Variants in PAK2 observed in about 807,000 individuals in gnomAD.
PAK2 encodes p21 (RAC1) activated kinase 2.
A neutral mutation model predicts 65.9 loss-of-function variants in PAK2; 21 were observed. The observed-to-expected ratio is 0.32, with a 90% CI of 0.23 to 0.46. The LOEUF is 0.46. Ranked by LOEUF, PAK2 falls within the 20% of genes least tolerant of loss-of-function variation. The pLI is 1.00. For missense variants in PAK2, 324 were observed against 642.6 expected, an observed-to-expected ratio of 0.50 and a Z score of 5.36; for synonymous variants, 204 against 219.7, an observed-to-expected ratio of 0.93 and a Z score of 0.63.
At chr3:196,767,948 A>G (rs1342225841) in intron 1 of PAK2, among the ~76,000 whole-genome samples, 2 of 152,068 alleles carry the variant, frequency 1.3e-5, no homozygotes, top group Admixed American at 6.5e-5. Flanking sequence ...TGAGCACAGT[A>G]TTGCTAGTGA....
intron 1 of PAK2, among the ~76,000 whole-genome samples, chr3:196,752,688 T>G (rs898700476): frequency 6.6e-6 from 1 of 151,870 alleles, no homozygotes; most frequent in East Asian, 1.9e-4. Context: ...CAAGCACCTC[T>G]TCCCTGGTTC....
chr3:196,821,764 G>T (rs2108773950), intron 13 of PAK2, among the ~76,000 whole-genome samples: 1 of 146,618 alleles, frequency 6.8e-6, no homozygotes, highest in Middle Eastern at 3.8e-3. Context: ...TGGTACATCT[G>T]CTTTGGAAAA....
At chr3:196,786,289 A>C (rs1191611005) in intron 2 of PAK2, among the ~76,000 whole-genome samples, 1 of 151,358 alleles carries the variant, frequency 6.6e-6, no homozygotes, top group Non-Finnish European at 1.5e-5. Flanking sequence ...CAGCCTCCCG[A>C]GTAGCTGGGA....
chr3:196,760,658 T>G (rs1713929581), intron 1 of PAK2, among the ~76,000 whole-genome samples: 1 of 152,196 alleles, frequency 6.6e-6, no homozygotes, highest in South Asian at 2.1e-4. Flanking sequence ...TCTGTGAGTT[T>G]GAGCAGTTTG....
Position 196,806,642 on chromosome 3 carries a change from A to G in PAK2, c.532A>G (p.Thr178Ala), listed in dbSNP as rs1715594013. 1.2e-6 allele frequency: 2 copies of G among 1,613,226 alleles called. No individual in the cohort carries two copies. The highest frequency in any genetic ancestry group is 2.2e-5 in the South Asian group (2 of 91,066). Reference protein sequence around the residue: ...VTEEEDDDEETAPPVIAPRPD... With the variant: ...VTEEEDDDEEAAPPVIAPRPD... ...AGAGGAGGAGGATGATGATGAAGAG[A>G]CTGCTCCTCCCGTTATTGCCCCGCG... The change falls in exon 6 of 15, where the codon ACT becomes GCT. Residue 178 changes from threonine (T) to alanine (A), a missense_variant. Transcript: ENST00000327134.
chr3:196,742,010 A>G (rs976489559), intron 1 of PAK2, among the ~76,000 whole-genome samples: 1 of 152,086 alleles, frequency 6.6e-6, no homozygotes, highest in Non-Finnish European at 1.5e-5. Context: ...TTCAAAATTA[A>G]GTTTATAGTT....
intron 1 of PAK2, among the ~76,000 whole-genome samples, chr3:196,749,301 T>A (rs1429982289): frequency 6.6e-6 from 1 of 152,094 alleles, no homozygotes; most frequent in Non-Finnish European, 1.5e-5. Context: ...ATTCTGTGTT[T>A]CATTTTTTGA....
intron 1 of PAK2, among the ~76,000 whole-genome samples, chr3:196,763,276 G>C (rs1297973535): frequency 6.6e-6 from 1 of 152,122 alleles, no homozygotes; most frequent in Non-Finnish European, 1.5e-5. Context: ...AGAGTATGTG[G>C]GGTGGCTCCC....
rs201478542 is a variant in PAK2 at position 196,807,770 on chromosome 3, G to C, written c.577-12G>C. 1 of 1,520,540 alleles carries C rather than the reference G, an allele frequency of 6.6e-7. No individual in the cohort carries two copies. Among genetic ancestry groups the C allele is most frequent in the Admixed American group, 1.8e-5 (1 of 55,894 alleles). The allele number at this position is 1,520,540 out of a possible 1,614,324, so 94.2% of individuals were successfully genotyped here. On this transcript the variant is annotated splice_polypyrimidine_tract_variant and intron_variant, in intron 6 of 14. Coordinates refer to ENST00000327134, the MANE Select transcript of PAK2 (RefSeq NM_002577.4). Reference sequence around the variant, plus strand: ...ATTCCTCAAACCTTGGTAATGAACTGTGTCTCCACAGATTTACACACGGTC... The same window carrying C: ...ATTCCTCAAACCTTGGTAATGAACTCTGTCTCCACAGATTTACACACGGTC...
At chr3:196,768,192 C>T (rs955636587) in intron 1 of PAK2, among the ~76,000 whole-genome samples, 3 of 152,038 alleles carry the variant, frequency 2.0e-5, no homozygotes, top group Non-Finnish European at 2.9e-5. Flanking sequence ...TGCAAAACAT[C>T]GGATACCTGT....
chr3:196,756,372 C>G (rs1713769339), intron 1 of PAK2, among the ~76,000 whole-genome samples: 2 of 152,094 alleles, frequency 1.3e-5, no homozygotes, highest in South Asian at 4.1e-4. Context: ...TGCCTAATTA[C>G]TCTCATCTAA....
intron 10 of PAK2, among the ~76,000 whole-genome samples, chr3:196,813,154 G>A (rs975594652): frequency 6.6e-6 from 1 of 152,130 alleles, no homozygotes; most frequent in Non-Finnish European, 1.5e-5. Flanking sequence ...TTGACTGACA[G>A]AGGGGACTGG....
chr3:196,811,120 T>C (rs993535170), intron 8 of PAK2, among the ~76,000 whole-genome samples: 1 of 151,830 alleles, frequency 6.6e-6, no homozygotes, highest in African/African-American at 2.4e-5. Context: ...TTTTTAATGT[T>C]ATTAAACTCT....
rs1715466314 is a variant in PAK2 at position 196,802,979 on chromosome 3, T to G, written c.289-38T>G. ...CTGGAAATTAATTTTATTGCATCAA[T>G]TTAAACCATAACTAATTTCTGAATA... On this transcript the variant is annotated intron_variant, in intron 3 of 14. Transcript: ENST00000327134. The G allele has an allele frequency of 5.6e-6, 8 of 1,439,198 alleles. No homozygotes were observed. In the South Asian group the frequency reaches 1.1e-4, roughly 20 times the overall value. 89.2% of individuals were successfully genotyped at this position (1,439,198 alleles called of 1,614,324 possible).
rs146185456 is a variant in PAK2, at chr3:196,768,353, A to G, written c.-21-14273A>G. On this transcript the variant is annotated intron_variant, in intron 1 of 14. Coordinates refer to ENST00000327134, the MANE Select transcript of PAK2 (RefSeq NM_002577.4). ...GCTTTATTGATAGTCCTTTTTGTATATTAGTTTTCTGTTCAGTAATTTCTG... is the reference window on the plus strand; with the variant it reads ...GCTTTATTGATAGTCCTTTTTGTATGTTAGTTTTCTGTTCAGTAATTTCTG... Among the ~76,000 whole-genome samples the G allele has an allele frequency of 4.4e-3, 670 of 151,900 alleles. 12 individuals carry two copies. Among genetic ancestry groups the G allele is most frequent in the African/African-American group, 0.015 (637 of 41,308 alleles).
intron 1 of PAK2, among the ~76,000 whole-genome samples, chr3:196,762,368 T>G (rs1223243822): frequency 5.7e-5 from 8 of 140,126 alleles, no homozygotes; most frequent in African/African-American, 2.1e-4. Context: ...GAGGTTGTAG[T>G]GAGCCGAGAT....
At chr3:196,793,108 A>G (rs1191570399) in intron 2 of PAK2, among the ~76,000 whole-genome samples, 1 of 152,150 alleles carries the variant, frequency 6.6e-6, no homozygotes, top group Admixed American at 6.5e-5. Flanking sequence ...ATCAACATCG[A>G]AAGTGTCAAA....
At chr3:196,769,818 A>C (rs1343884062) in intron 1 of PAK2, among the ~76,000 whole-genome samples, 3 of 44,880 alleles carry the variant, frequency 6.7e-5, no homozygotes, top group Non-Finnish European at 1.4e-4. Context: ...CTCTGTCTCA[A>C]AAAAGAAAAA....
At chr3:196,803,935 T>C (rs991988557) in intron 4 of PAK2, among the ~76,000 whole-genome samples, 6 of 152,204 alleles carry the variant, frequency 3.9e-5, no homozygotes, top group African/African-American at 1.4e-4. Context: ...ATAAAGTTCA[T>C]ACAACGCAGT....
Sources: gnomAD v4.1 joint callset for allele counts (sites outside exome capture counted in the v4.1 genomes callset) on GRCh38, gnomAD v4.1.1 for gene constraint, MANE v1.5 for transcripts, NCBI Gene and HGNC (gene_info 2026-07-23, HGNC 2026-07-21) for gene names.